DNAH10: variants seen among roughly 807,000 people sequenced by gnomAD.
DNAH10 encodes the protein axonemal beta dynein heavy chain 10.
In DNAH10, 348 loss-of-function variants were observed where a neutral mutation model predicts 506.6. The observed-to-expected ratio is 0.69, with a 90% CI of 0.63 to 0.75. The LOEUF (loss-of-function observed/expected upper bound fraction) is 0.75. DNAH10 is among the 30% of genes least tolerant of loss of function. The pLI is 0.00. For missense variants in DNAH10, 5,179 were observed against 5,787.1 expected, an observed-to-expected ratio of 0.89 and a Z score of 3.41; for synonymous variants, 2,059 against 2,198.6, an observed-to-expected ratio of 0.94 and a Z score of 1.78.
Position 123,913,310 on chromosome 12 carries a change from C to A in DNAH10, c.10347C>A (p.Asn3449Lys). 1 of 1,595,954 alleles carries A rather than the reference C, an allele frequency of 6.3e-7. No homozygotes were observed. Among genetic ancestry groups the A allele is most frequent in the Non-Finnish European group, 8.5e-7 (1 of 1,172,118 alleles). ...DKLISGLGSE[N>K]IRWLNDLDEL... ...TCATCTCGGGTCTGGGGTCAGAAAA[C>A]ATCAGGTTAGCGCTGCTCACGAGCC... is the stretch of plus-strand genomic sequence containing the variant. The change falls in exon 60 of 79, where the codon AAC becomes AAA. Residue 3449 changes from asparagine to lysine, a missense_variant. By Grantham distance (94) the Asn-to-Lys change is moderately conservative. Coordinates refer to ENST00000673944, the MANE Select transcript of DNAH10 (RefSeq NM_001372106.1). This position sits in a 1 kb window ranked among gnomAD's most constrained non-coding sequence, Gnocchi z 5.1.
intron 56 of DNAH10, among the ~76,000 whole-genome samples, chr12:123,901,248 T>C (rs1030521305): frequency 2.6e-5 from 4 of 152,246 alleles, no homozygotes; most frequent in African/African-American, 9.6e-5. Flanking sequence ...GGTGGTGTCC[T>C]GTTACCTCTG....
At chr12:123,835,284 G>A in intron 27 of DNAH10, 122 bp from the exon 28 acceptor site, 1 of 1,109,652 alleles carries the variant, frequency 9.0e-7, no homozygotes, top group Non-Finnish European at 1.3e-6. Flanking sequence ...CTGTCACCTT[G>A]CCTGGAAGGT....
At chr12:123,896,321 C>A (rs903820052) in intron 54 of DNAH10, among the ~76,000 whole-genome samples, 3 of 152,178 alleles carry the variant, frequency 2.0e-5, no homozygotes, top group African/African-American at 7.2e-5. Flanking sequence ...AACTCAGGAC[C>A]AGCTCTGCAG....
rs749876474 is a variant in DNAH10 at position 123,893,446 on chromosome 12, G to T, written c.9199+10G>T. ...TGCAGAAACTTCCCAGGTACCCGCG[G>T]TGGAGCCTGTGAACCCATTTCCCCT... On this transcript the variant is annotated intron_variant, in intron 53 of 78. Transcript: ENST00000673944. 1.8e-5 allele frequency: 29 copies of T among 1,611,874 alleles called. No individual in the cohort carries two copies. Among genetic ancestry groups the T allele is most frequent in the Non-Finnish European group, 2.4e-5 (28 of 1,179,842 alleles).
Position 123,820,744 on chromosome 12 carries a change from T to A in DNAH10, c.4165T>A (p.Tyr1389Asn). Residue 1389 changes from tyrosine to asparagine, a missense_variant, in exon 24 of 79, where the codon TAT (tyrosine) becomes AAT (asparagine). Physicochemically the swap from Tyr to Asn is moderately radical, Grantham distance 143 (BLOSUM62 -2). Transcript: ENST00000673944. ...MSGLRMIYEL[Y>N]EGLKVAKEEW... ...TGGGCTGAGGATGATTTACGAGCTC[T>A]ATGAAGGACTAAAGGTGAGCATCTC... is the stretch of plus-strand genomic sequence containing the variant. 6.2e-7 allele frequency: 1 copy of A among 1,613,886 alleles called. No individual in the cohort carries two copies. Among genetic ancestry groups the A allele is most frequent in the Non-Finnish European group, 8.5e-7 (1 of 1,179,822 alleles).
At chr12:123,783,314 A>G (rs541567281) in intron 7 of DNAH10, 50 bp downstream of exon 7, 4 of 1,602,052 alleles carry the variant, frequency 2.5e-6, no homozygotes, top group African/African-American at 2.7e-5. Flanking sequence ...CATGCTTACC[A>G]TGCTGGGAAA....
Position 123,775,445 on chromosome 12 carries a change from G to T in DNAH10, c.621+1181G>T, listed in dbSNP as rs1048521841. ...GACCAAAAAAATGAAAAACTCATCA[G>T]CAGGCCTTTTTCATGAATGATAAGT... On this transcript the variant is annotated intron_variant, in intron 5 of 78. Transcript: ENST00000673944. Among the ~76,000 whole-genome samples, 57 of 152,178 alleles carry T rather than the reference G, an allele frequency of 3.7e-4. 1 individual carries two copies. The highest frequency in any genetic ancestry group is 1.4e-3 in the African/African-American group (56 of 41,442).
At position 123,823,802 on chromosome 12, in the gene DNAH10, T is replaced by G. The variant is rs149687333; in HGVS notation, c.4180-2885T>G. ...TTATTTAAAAATATACAATTTTTAT[T>G]GACTATAGTCACCCTGCCATGCTAT... is the stretch of plus-strand genomic sequence containing the variant. On this transcript the variant is annotated intron_variant, in intron 24 of 78. Coordinates refer to ENST00000673944, the MANE Select transcript of DNAH10 (RefSeq NM_001372106.1). 8.7e-3 allele frequency among the ~76,000 whole-genome samples: 1,327 copies of G among 152,290 alleles called. 13 individuals are homozygous for G. Among genetic ancestry groups the G allele is most frequent in the South Asian group, 0.032 (154 of 4,816 alleles).
intron 19 of DNAH10, 58 bp from the exon 20 acceptor site, chr12:123,813,106 G>A (rs75275217): frequency 0.097 from 129,322 of 1,336,100 alleles, 6,872 homozygotes; most frequent in African/African-American, 0.15. Context: ...TAATATGTAC[G>A]TTGGAGGCAA....
In DNAH10 at chr12:123,841,541, A is replaced by G. The variant is rs1365479169; in HGVS notation, c.5356A>G (p.Ser1786Gly). The change falls in exon 30 of 79, where the codon AGC (serine) becomes GGC (glycine). Residue 1786 changes from serine (S) to glycine (G), a missense_variant. Ser to Gly is a moderately conservative substitution (Grantham distance 56, BLOSUM62 0). This residue lies in a region of DNAH10 where 4,844 missense variants were observed against 5,430.5 expected (regional missense o/e 0.89). Coordinates refer to ENST00000673944, the MANE Select transcript of DNAH10 (RefSeq NM_001372106.1). ...TATTTTTAGATACTGTGAAGACAGA[A>G]GCAGGTAAGGCTGCGAATGTGGACA... ...EAIFRYCEDR[S>G]RVDWMLLYQG... 1.2e-6 allele frequency: 2 copies of G among 1,613,726 alleles called. No individual in the cohort carries two copies. Among genetic ancestry groups the G allele is most frequent in the Non-Finnish European group, 8.5e-7 (1 of 1,179,742 alleles).
In DNAH10 at chr12:123,848,850, A is replaced by G; in HGVS notation, c.6070A>G (p.Asn2024Asp). Residue 2024 changes from asparagine (N) to aspartate (D), a missense_variant, in exon 34 of 79, where the codon AAT becomes GAT. Physicochemically the swap from Asn to Asp is conservative, Grantham distance 23. Around this residue, in one of 3 missense-constraint regions of DNAH10, gnomAD observed 4,844 missense variants for 5,430.5 expected, o/e 0.89. Coordinates refer to ENST00000673944, the MANE Select transcript of DNAH10 (RefSeq NM_001372106.1). Reference protein sequence around the residue: ...VISSQIQTIRNALIHQLTTFQ... With the variant: ...VISSQIQTIRDALIHQLTTFQ... Reference sequence around the variant, plus strand: ...CTCCTCCCAGATCCAGACGATCCGAAATGCTCTGATCCATCAGTTAACCAC... The same window carrying G: ...CTCCTCCCAGATCCAGACGATCCGAGATGCTCTGATCCATCAGTTAACCAC... 1 of 1,613,806 alleles carries G rather than the reference A, an allele frequency of 6.2e-7. No individual in the cohort carries two copies.
intron 28 of DNAH10, among the ~76,000 whole-genome samples, chr12:123,837,458 A>T (rs538197101): frequency 6.6e-6 from 1 of 152,194 alleles, no homozygotes; most frequent in Admixed American, 6.5e-5. Context: ...AAATACCTAT[A>T]ATCCCCTTGC....
chr12:123,895,500 A>G (rs76355371), intron 54 of DNAH10, among the ~76,000 whole-genome samples: 8,973 of 152,326 alleles, frequency 0.059, 374 homozygotes, highest in Middle Eastern at 0.088. Context: ...GATATATCTC[A>G]GGTCCAGATG....
chr12:123,783,734 G>A (rs2340692), intron 7 of DNAH10, among the ~76,000 whole-genome samples: 103,593 of 152,072 alleles, frequency 0.68, 36,220 homozygotes, highest in East Asian at 1. Context: ...GTACACCTCA[G>A]TTGTCCGGAG....
At chr12:123,899,147 T>G (rs1736501368) in intron 56 of DNAH10, among the ~76,000 whole-genome samples, 1 of 152,118 alleles carries the variant, frequency 6.6e-6, no homozygotes, top group Non-Finnish European at 1.5e-5. Flanking sequence ...GGGGTTGAAA[T>G]GACCTAAGCC....
In DNAH10 at chr12:123,926,728, G is replaced by A. The variant is rs761387220; in HGVS notation, c.12013G>A (p.Asp4005Asn). The change falls in exon 69 of 79, where the codon GAC becomes AAC. Residue 4005 changes from aspartate (D) to asparagine (N), a missense_variant. Physicochemically the swap from Asp to Asn is conservative, Grantham distance 23. This residue lies in a region of DNAH10 where 4,844 missense variants were observed against 5,430.5 expected (regional missense o/e 0.89). Coordinates refer to ENST00000673944, the MANE Select transcript of DNAH10 (RefSeq NM_001372106.1). The surrounding 1 kb of genome is among the most constrained non-coding windows in gnomAD (Gnocchi z 4.1). ...TGTGTTTATCCTGAGTCCTGGCTCC[G>A]ACCCTGCCACTGATCTTATGAAATT... ...PIVFILSPGS[D>N]PATDLMKLAE... is the part of the protein sequence containing the mutation. 11 of 1,613,836 alleles carry A rather than the reference G, an allele frequency of 6.8e-6. No individual in the cohort carries two copies. Among genetic ancestry groups the A allele is most frequent in the East Asian group, 6.7e-5 (3 of 44,896 alleles).
At chr12:123,879,227 G>A (rs1342154164) in intron 48 of DNAH10, 37 bp from the exon 49 acceptor site, 8 of 1,542,826 alleles carry the variant, frequency 5.2e-6, no homozygotes, top group East Asian at 2.4e-5. Context: ...TCCTTCAGGT[G>A]ACTTCCTGGC....
chr12:123,795,312 G>C (rs1284535652), intron 12 of DNAH10, among the ~76,000 whole-genome samples: 1 of 152,184 alleles, frequency 6.6e-6, no homozygotes, highest in Non-Finnish European at 1.5e-5. Flanking sequence ...AATGACCACA[G>C]ATGCAGTGAC....
chr12:123,770,487 ATTT>A (rs56670119), intron 2 of DNAH10, among the ~76,000 whole-genome samples: 4,784 of 133,114 alleles, frequency 0.036, 107 homozygotes, highest in African/African-American at 0.064. Flanking sequence ...CGTAAGTGTG[ATTT>A]TTTTTTTTTT....
Sources: allele counts gnomAD v4.1 joint callset (sites outside exome capture counted in the v4.1 genomes callset), GRCh38; gene constraint gnomAD v4.1.1; regional missense constraint gnomAD v4.1.1; non-coding constraint Gnocchi (gnomAD v3.1); transcripts MANE v1.5; gene names NCBI Gene and HGNC (gene_info 2026-07-23, HGNC 2026-07-21).